The following GPR149 variants were observed in gnomAD, a reference collection of about 807,000 sequenced individuals.
GPR149 encodes the protein probable G protein-coupled receptor 149.
Under a neutral mutation model 50.2 loss-of-function variants are expected in GPR149, and 50 were observed. The observed-to-expected ratio is 1.00, with a 90% CI of 0.79 to 1.26. The LOEUF (loss-of-function observed/expected upper bound fraction) is 1.26, where lower values mean the gene tolerates loss of function less well. GPR149 is among the 50% of genes most tolerant of loss of function. The pLI, the probability that GPR149 is intolerant of heterozygous loss-of-function variation, is 0.00. For missense variants in GPR149, 983 were observed against 895.4 expected (o/e 1.10, Z -1.25); for synonymous variants, 405 against 358.2 (o/e 1.13, Z -1.48).
intron 3 of GPR149, among the ~76,000 whole-genome samples, chr3:154,417,737 C>T (rs2108427398): frequency 6.6e-6 from 1 of 152,120 alleles, no homozygotes; most frequent in Non-Finnish European, 1.5e-5. Flanking sequence ...AAAAACGGCA[C>T]TGGGAAGAAA....
chr3:154,390,732 T>C (rs1052586463), intron 3 of GPR149, among the ~76,000 whole-genome samples: 7 of 152,114 alleles, frequency 4.6e-5, no homozygotes, highest in African/African-American at 7.2e-5. Flanking sequence ...CAAATTCAAA[T>C]AGAGTAAACC....
At chr3:154,349,810 C>T (rs1254457691) in intron 3 of GPR149, among the ~76,000 whole-genome samples, 1 of 152,156 alleles carries the variant, frequency 6.6e-6, no homozygotes, top group Admixed American at 6.5e-5. Context: ...ATTAGTATCA[C>T]TCATGAATAT....
Position 154,337,404 on chromosome 3 carries a change from G to A in GPR149, c.*295C>T, listed in dbSNP as rs1330465038. Among the ~76,000 whole-genome samples, 1 of 152,120 alleles carries A rather than the reference G, an allele frequency of 6.6e-6. No homozygotes were observed. The highest frequency in any genetic ancestry group is 2.4e-5 in the African/African-American group (1 of 41,426). On this transcript the variant is annotated 3_prime_UTR_variant, in exon 4 of 4. Coordinates refer to ENST00000389740, the MANE Select transcript of GPR149 (RefSeq NM_001038705.3). ...TATACAATTTTCTGTTTACTAGGAA[G>A]TTGACAAGCAAAAACATTGGTAAAC...
intron 3 of GPR149, among the ~76,000 whole-genome samples, chr3:154,356,039 C>T (rs1714215838): frequency 6.6e-6 from 1 of 152,074 alleles, no homozygotes; most frequent in Admixed American, 6.5e-5. Flanking sequence ...AGGCAGTGTC[C>T]TAGGGTAGAG....
intron 3 of GPR149, among the ~76,000 whole-genome samples, chr3:154,414,165 G>A (rs1209041191): frequency 6.6e-6 from 1 of 151,830 alleles, no homozygotes; most frequent in Non-Finnish European, 1.5e-5. Context: ...CAGGGGAAAG[G>A]GTTGGGCTAG....
intron 3 of GPR149, among the ~76,000 whole-genome samples, chr3:154,349,543 C>T (rs930427475): frequency 6.6e-6 from 1 of 152,052 alleles, no homozygotes; most frequent in South Asian, 2.1e-4. Flanking sequence ...GTGCCAAATG[C>T]GAAATAGGTA....
At chr3:154,391,611 C>CTAATATATAGTAAA (rs1715172175) in intron 3 of GPR149, among the ~76,000 whole-genome samples, 1 of 151,462 alleles carries the variant, frequency 6.6e-6, no homozygotes, top group Admixed American at 6.6e-5. Context: ...ACATTAATTA[C>CTAATATATAGTAAA]TCTAAATATA....
At chr3:154,418,533 G>T in intron 3 of GPR149, among the ~76,000 whole-genome samples, 1 of 69,040 alleles carries the variant, frequency 1.4e-5, no homozygotes, top group Non-Finnish European at 2.9e-5. Flanking sequence ...GATGAAATTG[G>T]AAATCATCGT....
At chr3:154,410,420 C>T (rs923774131) in intron 3 of GPR149, among the ~76,000 whole-genome samples, 2 of 152,162 alleles carry the variant, frequency 1.3e-5, no homozygotes, top group Non-Finnish European at 2.9e-5. Context: ...AAATGCTCCA[C>T]TTAAAAGATA....
chr3:154,429,325 G>C lies in GPR149; in HGVS notation c.291C>G (p.Val97=), dbSNP rs1263795196. The C allele has an allele frequency of 6.2e-7, 1 of 1,614,158 alleles. No homozygotes were observed. Among genetic ancestry groups the C allele is most frequent in the Non-Finnish European group, 8.5e-7 (1 of 1,180,036 alleles). ...TGCACAGAAATTGGAAGTAACCGGGGACCTCGTTTGGCCACTGCAAAAACA... is the reference window on the plus strand; with the variant it reads ...TGCACAGAAATTGGAAGTAACCGGGCACCTCGTTTGGCCACTGCAAAAACA... ...IFMFLQWPNE[V]PGYFQFLCTT... The change falls in exon 1 of 4, where the codon GTC becomes GTG. Residue 97 remains valine, a synonymous_variant. Coordinates refer to ENST00000389740, the MANE Select transcript of GPR149 (RefSeq NM_001038705.3).
At chr3:154,372,372 C>A (rs887099083) in intron 3 of GPR149, among the ~76,000 whole-genome samples, 1 of 152,174 alleles carries the variant, frequency 6.6e-6, no homozygotes, top group African/African-American at 2.4e-5. Context: ...CCCTCTCTCC[C>A]TTCCGCCCTC....
intron 3 of GPR149, among the ~76,000 whole-genome samples, chr3:154,414,827 G>T (rs1396144446): frequency 2.6e-5 from 4 of 151,866 alleles, no homozygotes; most frequent in African/African-American, 9.7e-5. Flanking sequence ...TAAACGTCCT[G>T]CGAAACAAAG....
Position 154,412,818 on chromosome 3 carries a change from T to C in GPR149, c.1623+8221A>G, listed in dbSNP as rs938045175. 2.0e-5 allele frequency among the ~76,000 whole-genome samples: 3 copies of C among 151,816 alleles called. No homozygotes were observed. In the South Asian group the frequency reaches 6.2e-4, roughly 32 times the overall value. ...GAAAAACAATCCTAAAATTCTTGTA[T>C]AACCAAAAAAGAGCCCACATAGCCA... is the stretch of plus-strand genomic sequence containing the variant. On this transcript the variant is annotated intron_variant, in intron 3 of 3. Transcript: ENST00000389740.
chr3:154,423,116 C>A (rs1217445906), intron 2 of GPR149, among the ~76,000 whole-genome samples: 3 of 151,768 alleles, frequency 2.0e-5, no homozygotes, highest in East Asian at 3.9e-4. Flanking sequence ...TTAAAGGAGA[C>A]TTCACCTCCA....
At position 154,338,213 on chromosome 3, in the gene GPR149, TG is replaced by T. The variant is rs1405561278; in HGVS notation, c.1681del (p.His561MetfsTer15). ...LCAFQGTVSLHAPTGKTLSLS... is the reference protein window; with the variant it reads ...LCAFQGTVSLXAPTGKTLSLS... ...AGATAGGGTTTTCCCTGTAGGTGCA[TG>T]GAGAGACACAGTCCCCTGGAATGCA... On this transcript the variant is annotated frameshift_variant, in exon 4 of 4. Transcript: ENST00000389740. LOFTEE classifies it high-confidence loss of function. The T allele has an allele frequency of 6.2e-7, 1 of 1,613,448 alleles. No homozygotes were observed. Among genetic ancestry groups the T allele is most frequent in the Non-Finnish European group, 8.5e-7 (1 of 1,179,732 alleles).
intron 3 of GPR149, chr3:154,352,613 C>G: frequency 1.3e-6 from 1 of 777,630 alleles, no homozygotes; most frequent in South Asian, 1.3e-5. Flanking sequence ...GACTGTGGTT[C>G]AAAACTTGAT....
rs777994493 is a variant in GPR149 at position 154,338,011 on chromosome 3, T to C, written c.1884A>G (p.Glu628=). 29 of 1,614,072 alleles carry C rather than the reference T, an allele frequency of 1.8e-5. No individual in the cohort carries two copies. The highest frequency in any genetic ancestry group is 2.4e-5 in the Non-Finnish European group (28 of 1,180,044). The change falls in exon 4 of 4, where the codon GAA becomes GAG. Residue 628 remains glutamate (E), a synonymous_variant. Coordinates refer to ENST00000389740, the MANE Select transcript of GPR149 (RefSeq NM_001038705.3). Reference sequence around the variant, plus strand: ...TGATTGACACAGTGTCCAAGGCCTCTTCATTATCACAAATTTCAAGAACCT... The same window carrying C: ...TGATTGACACAGTGTCCAAGGCCTCCTCATTATCACAAATTTCAAGAACCT... ...HLEVLEICDN[E]EALDTVSIIS...
intron 3 of GPR149, among the ~76,000 whole-genome samples, chr3:154,351,921 G>T (rs1026115483): frequency 2.6e-5 from 4 of 151,972 alleles, no homozygotes; most frequent in African/African-American, 7.2e-5. Context: ...TTTCTAAAAA[G>T]ATAATAAAAG....
chr3:154,351,756 G>T (rs115511405), intron 3 of GPR149, among the ~76,000 whole-genome samples: 1,752 of 152,136 alleles, frequency 0.012, 21 homozygotes, highest in African/African-American at 0.04. Context: ...AATAAATTTT[G>T]TTATTTTATA....
Sources: allele counts gnomAD v4.1 joint callset (sites outside exome capture counted in the v4.1 genomes callset), GRCh38; gene constraint gnomAD v4.1.1; transcripts MANE v1.5; gene names NCBI Gene and HGNC (gene_info 2026-07-23, HGNC 2026-07-21).